Variants in ZFHX3 observed in about 807,000 individuals in gnomAD.
ZFHX3 encodes the protein zinc finger homeobox protein 3.
Under a neutral mutation model 279.1 loss-of-function variants are expected in ZFHX3, and 42 were observed. That is an observed-to-expected ratio of 0.15 (90% CI 0.12 to 0.19). The LOEUF is 0.19. Ranked by LOEUF, ZFHX3 falls within the 10% of genes least tolerant of loss-of-function variation. The pLI is 1.00. For missense variants in ZFHX3, 4,981 were observed against 4,754.0 expected (o/e 1.05, Z -1.40); for synonymous variants, 2,293 against 1,957.8 (o/e 1.17, Z -4.52).
chr16:73,880,408 A>T lies in ZFHX3; in HGVS notation c.-1608+11243T>A, dbSNP rs148922171. On this transcript the variant is annotated intron_variant, in intron 1 of 17. Coordinates refer to the ZFHX3 transcript ENST00000641206. ...TTTTTTCCCTATAACAGGAAATCTG[A>T]ACAGGAAAGTACAACATTTTAATTT... Among the ~76,000 whole-genome samples the T allele has an allele frequency of 3.7e-3, 565 of 152,308 alleles. 2 individuals carry two copies. Among genetic ancestry groups the T allele is most frequent in the African/African-American group, 0.013 (542 of 41,578 alleles).
intron 7 of ZFHX3, among the ~76,000 whole-genome samples, chr16:73,097,196 G>GCTCT (rs1195850186): frequency 3.3e-5 from 5 of 151,550 alleles, no homozygotes; most frequent in Non-Finnish European, 1.5e-5. Context: ...TGGGACTAGA[G>GCTCT]GTGCTTGCCT....
intron 1 of ZFHX3, among the ~76,000 whole-genome samples, chr16:73,014,660 G>A (rs1311273173): frequency 6.6e-6 from 1 of 151,156 alleles, no homozygotes; most frequent in Non-Finnish European, 1.5e-5. Context: ...CTGAGTAGCT[G>A]GGATTACAGG....
At chr16:73,248,808 GT>G (rs998049259) in intron 5 of ZFHX3, among the ~76,000 whole-genome samples, 24 of 151,664 alleles carry the variant, frequency 1.6e-4, no homozygotes, top group African/African-American at 4.4e-4. Context: ...TTATATTGAA[GT>G]TTTTTTTTAA....
chr16:73,422,410 C>A lies in ZFHX3; in HGVS notation c.-1291+33593G>T, dbSNP rs145385357. On this transcript the variant is annotated intron_variant, in intron 3 of 17. Coordinates refer to the ZFHX3 transcript ENST00000641206. ...TTATTCTTTTTTAGTAATACCAATT[C>A]CCTGAAGTCAGGGGCCACCCTGTCT... is the stretch of plus-strand genomic sequence containing the variant. Among the ~76,000 whole-genome samples, 640 of 151,522 alleles carry A rather than the reference C, an allele frequency of 4.2e-3. 5 individuals carry two copies. Among genetic ancestry groups the A allele is most frequent in the African/African-American group, 0.014 (596 of 41,500 alleles).
At chr16:73,819,363 A>G (rs1960669717) in intron 1 of ZFHX3, among the ~76,000 whole-genome samples, 1 of 150,896 alleles carries the variant, frequency 6.6e-6, no homozygotes. Flanking sequence ...CACCACCCCA[A>G]TGTGAGAGTC....
chr16:73,340,695 G>C (rs2016015675), intron 3 of ZFHX3, among the ~76,000 whole-genome samples: 2 of 152,148 alleles, frequency 1.3e-5, no homozygotes, highest in Admixed American at 6.5e-5. Context: ...ACTTGGTGGT[G>C]CTAGGACGAC....
intron 5 of ZFHX3, among the ~76,000 whole-genome samples, chr16:73,171,999 A>T (rs974240156): frequency 6.6e-6 from 1 of 152,152 alleles, no homozygotes; most frequent in Non-Finnish European, 1.5e-5. Flanking sequence ...ATGGGAAAAA[A>T]TTCCCTTTTG....
At chr16:73,391,683 A>C (rs774513653) in intron 3 of ZFHX3, among the ~76,000 whole-genome samples, 3 of 152,202 alleles carry the variant, frequency 2.0e-5, no homozygotes, top group Non-Finnish European at 2.9e-5. Context: ...AGGAACCTAC[A>C]GGATGATGGA....
chr16:73,615,614 G>A lies in ZFHX3; in HGVS notation c.-1547+64566C>T, dbSNP rs368064985. Among the ~76,000 whole-genome samples, 32 of 152,264 alleles carry A rather than the reference G, an allele frequency of 2.1e-4. No individual in the cohort carries two copies. In the South Asian group the frequency reaches 5.2e-3, roughly 25 times the overall value. ...CCAAATCCCAAATTGAAGAGAGTTC[G>A]GAAGATATAACTAAAACACAGTGTT... On this transcript the variant is annotated intron_variant, in intron 2 of 17. Transcript: ENST00000641206.
chr16:73,599,649 G>A (rs1425759223), intron 2 of ZFHX3, among the ~76,000 whole-genome samples: 2 of 151,254 alleles, frequency 1.3e-5, no homozygotes, highest in Non-Finnish European at 1.5e-5. Flanking sequence ...CATTAGGAGA[G>A]ATCATCAAAA....
intron 2 of ZFHX3, among the ~76,000 whole-genome samples, chr16:73,505,557 G>GA (rs55981787): frequency 0.012 from 1,735 of 143,898 alleles, 20 homozygotes; most frequent in Non-Finnish European, 0.018. Flanking sequence ...CACATTGGAG[G>GA]AAAAAAAAAA....
intron 7 of ZFHX3, among the ~76,000 whole-genome samples, chr16:73,110,764 T>C (rs897455567): frequency 1.3e-5 from 2 of 152,038 alleles, no homozygotes; most frequent in African/African-American, 2.4e-5. Context: ...GGGTCTCCCA[T>C]TGTTGGCCAG....
chr16:73,596,771 T>C (rs929672389), intron 2 of ZFHX3, among the ~76,000 whole-genome samples: 3 of 152,300 alleles, frequency 2.0e-5, no homozygotes, highest in Non-Finnish European at 4.4e-5. Context: ...AAGCTTCTAG[T>C]GGGTAAGGAA....
chr16:73,847,600 C>T (rs1393393061), intron 1 of ZFHX3, among the ~76,000 whole-genome samples: 1 of 152,128 alleles, frequency 6.6e-6, no homozygotes, highest in Non-Finnish European at 1.5e-5. Flanking sequence ...GTTATTTAGC[C>T]TCCTGGGTCT....
intron 5 of ZFHX3, among the ~76,000 whole-genome samples, chr16:73,247,866 G>A (rs560635581): frequency 5.9e-5 from 9 of 152,156 alleles, no homozygotes; most frequent in African/African-American, 7.2e-5. Flanking sequence ...GCCTGTATGC[G>A]GAGTGTATAA....
At chr16:73,660,323 T>A (rs1488559351) in intron 2 of ZFHX3, among the ~76,000 whole-genome samples, 1 of 152,248 alleles carries the variant, frequency 6.6e-6, no homozygotes, top group Admixed American at 6.5e-5. Flanking sequence ...TTCCTTTAGA[T>A]GTGAACAAAC....
intron 4 of ZFHX3, among the ~76,000 whole-genome samples, chr16:72,886,395 GA>G (rs552949897): frequency 6.6e-6 from 1 of 151,980 alleles, no homozygotes; most frequent in Non-Finnish European, 1.5e-5. Flanking sequence ...CTTCTCGGGG[GA>G]AAAACCCCTA....
chr16:72,817,225 T>C (rs2036634686), intron 5 of ZFHX3, among the ~76,000 whole-genome samples: 1 of 152,246 alleles, frequency 6.6e-6, no homozygotes. Context: ...CCATTCTTGC[T>C]AGAACAAATT....
At chr16:72,927,723 A>G (rs1029087629) in intron 3 of ZFHX3, among the ~76,000 whole-genome samples, 24 of 151,682 alleles carry the variant, frequency 1.6e-4, no homozygotes, top group Admixed American at 5.3e-4. Flanking sequence ...CGCCAGGCAC[A>G]CTCCCAGCAT....
Sources: allele counts gnomAD v4.1 joint callset (sites outside exome capture counted in the v4.1 genomes callset), GRCh38; gene constraint gnomAD v4.1.1; transcripts MANE v1.5; gene names NCBI Gene and HGNC (gene_info 2026-07-23, HGNC 2026-07-21).